The following COTL1 variants were observed in gnomAD, a reference collection of about 807,000 sequenced individuals.
COTL1 encodes the protein coactosin like F-actin binding protein 1.
A neutral mutation model predicts 16.5 loss-of-function variants in COTL1; 15 were observed. The ratio of observed to expected loss-of-function variants is 0.91; its 90% CI spans 0.61 to 1.40. The LOEUF is 1.40. Among genes scored for constraint, COTL1 ranks in the 40% most tolerant of loss-of-function variants. The pLI is 0.00. For synonymous variants in COTL1, 112 were observed against 85.3 expected (o/e 1.31, Z -1.73); for missense variants, 220 against 201.5 (o/e 1.09, Z -0.56).
At chr16:84,611,557 C>A (rs992849710) in intron 2 of COTL1, among the ~76,000 whole-genome samples, 72 of 152,158 alleles carry the variant, frequency 4.7e-4, no homozygotes, top group African/African-American at 1.6e-3. Flanking sequence ...AATGTCAGCT[C>A]CACGAGGACA....
rs1263009490 is a variant in COTL1 at position 84,590,245 on chromosome 16, C to A, written c.178G>T (p.Ala60Ser). ...QQCTDDVRLF[A>S]FVRFTTGDAM... ...TCCCCGGTGGTGAAGCGCACGAAGG[C>A]AAACAACCGGACGTCATCTGTGGCC... Residue 60 changes from alanine to serine, a missense_variant, in exon 3 of 4, where the codon GCC becomes TCC. By Grantham distance (99) the Ala-to-Ser change is moderately conservative. Transcript: ENST00000262428. The surrounding 1 kb of genome is among the most constrained non-coding windows in gnomAD (Gnocchi z 5.5). The A allele has an allele frequency of 1.2e-6, 2 of 1,614,030 alleles. No homozygotes were observed. The highest frequency in any genetic ancestry group is 1.7e-6 in the Non-Finnish European group (2 of 1,179,920).
intron 2 of COTL1, among the ~76,000 whole-genome samples, 177 bp downstream of exon 2, chr16:84,617,324 A>G (rs914124323): frequency 6.6e-6 from 1 of 152,162 alleles, no homozygotes; most frequent in African/African-American, 2.4e-5. Context: ...TCGGATGTCC[A>G]GAGGGGAGAA....
intron 2 of COTL1, among the ~76,000 whole-genome samples, chr16:84,606,755 C>T (rs1465723677): frequency 3.9e-5 from 6 of 152,172 alleles, no homozygotes; most frequent in Admixed American, 1.3e-4. Context: ...GGATAAGAGT[C>T]GGTGGCTACG....
rs185142599 is a variant in COTL1 at position 84,598,608 on chromosome 16, T to A, written c.161-8346A>T. Among the ~76,000 whole-genome samples, 6 of 150,114 alleles carry A rather than the reference T, an allele frequency of 4.0e-5. No individual in the cohort carries two copies. The East Asian group carries it at 1.2e-3, about 30-fold the overall frequency. ...TGGGTCCTGGAGGTGCCTTTACGCC[T>A]CTCCCACCTCCTCCCCATCTGTGCC... On this transcript the variant is annotated intron_variant, in intron 2 of 3. Transcript: ENST00000262428.
At chr16:84,567,373 A>C (rs1284384185) in intron 3 of COTL1, 1 of 157,172 alleles carries the variant, frequency 6.4e-6, no homozygotes, top group Non-Finnish European at 1.4e-5. Flanking sequence ...CAGGCACTCC[A>C]AAAAAAAGAA....
At chr16:84,611,306 A>G (rs1170286614) in intron 2 of COTL1, among the ~76,000 whole-genome samples, 1 of 152,242 alleles carries the variant, frequency 6.6e-6, no homozygotes, top group Non-Finnish European at 1.5e-5. Flanking sequence ...TTTGAGGTCC[A>G]TGGATAGAGG....
At chr16:84,585,503 C>T (rs978636985) in intron 3 of COTL1, among the ~76,000 whole-genome samples, 1 of 152,152 alleles carries the variant, frequency 6.6e-6, no homozygotes, top group African/African-American at 2.4e-5. Flanking sequence ...TTTATTAATA[C>T]AGTAATCTTA....
chr16:84,585,426 C>T (rs1419850931), intron 3 of COTL1, among the ~76,000 whole-genome samples: 1 of 151,938 alleles, frequency 6.6e-6, no homozygotes, highest in African/African-American at 2.4e-5. Context: ...TAATTTACAC[C>T]CTCCACGTTT....
At chr16:84,604,632 C>A (rs1201134733) in intron 2 of COTL1, among the ~76,000 whole-genome samples, 1 of 152,084 alleles carries the variant, frequency 6.6e-6, no homozygotes, top group African/African-American at 2.4e-5. Context: ...ATGGGCCACA[C>A]AGCAGCCAGG....
chr16:84,574,935 G>C (rs963391872), intron 3 of COTL1, among the ~76,000 whole-genome samples: 1 of 152,214 alleles, frequency 6.6e-6, no homozygotes, highest in African/African-American at 2.4e-5. Flanking sequence ...GAGGGTACGG[G>C]TTAGGTACAG....
intron 3 of COTL1, among the ~76,000 whole-genome samples, chr16:84,577,933 G>A (rs371597784): frequency 8.5e-5 from 13 of 152,074 alleles, no homozygotes; most frequent in Non-Finnish European, 1.5e-4. Flanking sequence ...TCTCAGGCTC[G>A]GCTTTCCTGA....
chr16:84,587,544 G>A (rs1904761521), intron 3 of COTL1, among the ~76,000 whole-genome samples: 1 of 152,170 alleles, frequency 6.6e-6, no homozygotes, highest in African/African-American at 2.4e-5. Flanking sequence ...TTGTGAACCA[G>A]GACACTCTGC....
chr16:84,617,641 C>G, intron 1 of COTL1, 58 bp from the exon 2 acceptor site: 1 of 1,515,176 alleles, frequency 6.6e-7, no homozygotes, highest in South Asian at 1.2e-5. Context: ...GGCCGCGCGA[C>G]GCGGCGCTTG....
intron 3 of COTL1, among the ~76,000 whole-genome samples, chr16:84,580,443 G>T (rs1418043351): frequency 6.6e-6 from 1 of 152,064 alleles, no homozygotes; most frequent in African/African-American, 2.4e-5. Flanking sequence ...TAGCAGCAGG[G>T]TCTCACTATA....
rs1028159680 is a variant in COTL1, at chr16:84,584,325, C to T, written c.318+5780G>A. Among the ~76,000 whole-genome samples the T allele has an allele frequency of 3.5e-4, 54 of 152,356 alleles. 1 individual carries two copies. Among genetic ancestry groups the T allele is most frequent in the African/African-American group, 1.3e-3 (52 of 41,586 alleles). ...TGTCTTGTTTTCCCCCAGCCACAGA[C>T]GCCTCTCAGTTTCTCAGGCTCTGAA... On this transcript the variant is annotated intron_variant, in intron 3 of 3. Coordinates refer to ENST00000262428, the MANE Select transcript of COTL1 (RefSeq NM_021149.5).
intron 3 of COTL1, among the ~76,000 whole-genome samples, chr16:84,584,188 T>TGCTGCAC (rs1904666068): frequency 6.6e-6 from 1 of 152,368 alleles, no homozygotes; most frequent in Middle Eastern, 3.4e-3. Flanking sequence ...CAGCCGTGCG[T>TGCTGCAC]GCTGTGCGTT....
chr16:84,608,698 G>T (rs1419590005), intron 2 of COTL1, among the ~76,000 whole-genome samples: 1 of 152,194 alleles, frequency 6.6e-6, no homozygotes, highest in Non-Finnish European at 1.5e-5. Flanking sequence ...TTGAGCCCAG[G>T]AGTTCGAGAC....
At chr16:84,598,331 TG>T (rs1232159559) in intron 2 of COTL1, among the ~76,000 whole-genome samples, 2 of 152,302 alleles carry the variant, frequency 1.3e-5, no homozygotes, top group African/African-American at 4.8e-5. Context: ...AAAGGACCCG[TG>T]GGGACCTAGA....
At chr16:84,612,205 C>T (rs1172203261) in intron 2 of COTL1, among the ~76,000 whole-genome samples, 7 of 152,210 alleles carry the variant, frequency 4.6e-5, no homozygotes, top group Admixed American at 2.0e-4. Flanking sequence ...CACACTGTAG[C>T]AGGTTACCAG....
Sources: allele counts gnomAD v4.1 joint callset (sites outside exome capture counted in the v4.1 genomes callset), GRCh38; gene constraint gnomAD v4.1.1; non-coding constraint Gnocchi (gnomAD v3.1); transcripts MANE v1.5; gene names NCBI Gene and HGNC (gene_info 2026-07-23, HGNC 2026-07-21).